The following FHOD1 variants were observed in gnomAD, a reference collection of about 807,000 sequenced individuals.
FHOD1 encodes formin homology 2 domain containing 1.
FHOD1 carries 89 observed loss-of-function variants against 111.6 expected under a neutral mutation model. That is an observed-to-expected ratio of 0.80 (90% CI 0.67 to 0.95). The LOEUF (loss-of-function observed/expected upper bound fraction) is 0.95. Among genes scored for constraint, FHOD1 ranks in the 40% least tolerant of loss-of-function variants. FHOD1 has a pLI of 0.00. For synonymous variants in FHOD1, 618 were observed against 639.0 expected (o/e 0.97, Z 0.50); for missense variants, 1,446 against 1,554.2 (o/e 0.93, Z 1.17).
Position 67,237,632 on chromosome 16 carries a change from G to C in FHOD1, c.754+25C>G, listed in dbSNP as rs761702242. 1.7e-5 allele frequency: 27 copies of C among 1,612,850 alleles called. No individual in the cohort carries two copies. In the Admixed American group the frequency reaches 1.8e-4, roughly 11 times the overall value. On this transcript the variant is annotated intron_variant, in intron 7 of 21. Coordinates refer to ENST00000258201, the MANE Select transcript of FHOD1 (RefSeq NM_013241.3). The surrounding 1 kb of genome is among the most constrained non-coding windows in gnomAD (Gnocchi z 5.6). ...GTAGGAGAGAGGGCTCTGAGCGGTG[G>C]GGGGAGAAAGGGACAGTCTCTGACC...
chr16:67,230,868 CAG>C, intron 17 of FHOD1, 77 bp from the exon 18 acceptor site: 1 of 1,455,882 alleles, frequency 6.9e-7, no homozygotes, highest in Non-Finnish European at 9.2e-7. Flanking sequence ...GCTTCTGGGC[CAG>C]AGTGGCCAGC....
Position 67,236,690 on chromosome 16 carries a change from C to A in FHOD1, c.1186G>T (p.Gly396Cys). ...GCGGGGCCTGTCAGCAGGGCGGGGC[C>A]GGTGGAAGAGGTGGGGCCTACCGGT... Reference protein sequence around the residue: ...ASPVGPTSSTGPALLTGPASS... With the variant: ...ASPVGPTSSTCPALLTGPASS... The change falls in exon 11 of 22, where the codon GGC becomes TGC. Residue 396 changes from glycine to cysteine, a missense_variant. Gly to Cys is a radical substitution (Grantham distance 159). Around this residue, in one of 3 missense-constraint regions of FHOD1, gnomAD observed 1,085 missense variants for 1,108.8 expected, o/e 0.98. Transcript: ENST00000258201. 6.3e-7 allele frequency: 1 copy of A among 1,585,340 alleles called. No homozygotes were observed. The highest frequency in any genetic ancestry group is 8.6e-7 in the Non-Finnish European group (1 of 1,166,610).
Position 67,229,841 on chromosome 16 carries a change from C to T in FHOD1, c.3364G>A (p.Ala1122Thr). Residue 1122 changes from alanine to threonine, a missense_variant, in exon 21 of 22, where the codon GCC (alanine) becomes ACC (threonine). By Grantham distance (58) the Ala-to-Thr change is moderately conservative. This residue lies in a region of FHOD1 where 1,085 missense variants were observed against 1,108.8 expected (regional missense o/e 0.98). Transcript: ENST00000258201. ...VQSVTKSSPR[A>T]LAARERKRSR... is the part of the protein sequence containing the mutation. The stretch of plus-strand genomic sequence containing the variant: ...CGCTTGCGTTCCCTAGCAGCTAAGG[C>T]ACGAGGACTGCTCTTGGTCACTGAC... 2 of 1,614,232 alleles carry T rather than the reference C, an allele frequency of 1.2e-6. No homozygotes were observed. The highest frequency in any genetic ancestry group is 1.7e-6 in the Non-Finnish European group (2 of 1,180,034).
rs2034494599 is a variant in FHOD1 at position 67,236,750 on chromosome 16, T to C, written c.1143-17A>G. The C allele has an allele frequency of 2.2e-6, 3 of 1,387,808 alleles. No individual in the cohort carries two copies. The highest frequency in any genetic ancestry group is 1.9e-6 in the Non-Finnish European group (2 of 1,062,060). The allele number at this position is 1,387,808 out of a possible 1,614,324, so 86.0% of individuals were successfully genotyped here. A position where few individuals can be genotyped will look rare whatever the true frequency, so the allele number is the denominator to read the frequency against. ...CCTGTGGGGCTGAAAGCAGGGGCTG[T>C]CAGTGGGGCGGGGCCTGAGAAGCTG... is the stretch of plus-strand genomic sequence containing the variant. On this transcript the variant is annotated splice_polypyrimidine_tract_variant and intron_variant, in intron 10 of 21. Coordinates refer to ENST00000258201, the MANE Select transcript of FHOD1 (RefSeq NM_013241.3).
In FHOD1 at chr16:67,247,276, C is replaced by G; in HGVS notation, c.135G>C (p.Leu45=). The G allele has an allele frequency of 5.6e-6, 9 of 1,612,486 alleles. No homozygotes were observed. The highest frequency in any genetic ancestry group is 7.6e-6 in the Non-Finnish European group (9 of 1,179,536). The part of the protein sequence containing the change: ...PEPRRAPTCS[L]DGALPLGAQI... The stretch of plus-strand genomic sequence containing the variant: ...GCGCGCCCAAGGGCAGCGCCCCGTC[C>G]AGGCTGCAGGTGGGGGCCCGGCGCG... The change falls in exon 1 of 22, where the codon CTG becomes CTC. Residue 45 remains leucine, a synonymous_variant. Transcript: ENST00000258201.
intron 1 of FHOD1, among the ~76,000 whole-genome samples, chr16:67,241,332 T>C (rs999492622): frequency 6.6e-6 from 1 of 151,986 alleles, no homozygotes; most frequent in East Asian, 1.9e-4. Flanking sequence ...GGGTATCTTG[T>C]CCAGGGCCAG....
At position 67,238,088 on chromosome 16, in the gene FHOD1, C is replaced by G. The variant is rs746571461; in HGVS notation, c.588G>C (p.Gly196=). 133 of 1,614,210 alleles carry G rather than the reference C, an allele frequency of 8.2e-5. No individual in the cohort carries two copies. Among genetic ancestry groups the G allele is most frequent in the Non-Finnish European group, 1.1e-4 (125 of 1,180,032 alleles). The change falls in exon 6 of 22, where the codon GGG becomes GGC. Residue 196 remains glycine (G), a synonymous_variant. Coordinates refer to ENST00000258201, the MANE Select transcript of FHOD1 (RefSeq NM_013241.3). This position sits in a 1 kb window ranked among gnomAD's most constrained non-coding sequence, Gnocchi z 4.2. ...GAATAGTGTCACTGTGGGCCACCACCCCCAGCATTCCATCCACAAAGAGCA... is the reference window on the plus strand; with the variant it reads ...GAATAGTGTCACTGTGGGCCACCACGCCCAGCATTCCATCCACAAAGAGCA... ...QLMLFVDGML[G]VVAHSDTIQW... is the part of the protein sequence containing the mutation.
Position 67,238,891 on chromosome 16 carries a change from TCA to T in FHOD1, c.373+10_373+11del. ...GAGGTGCTGCTGGACATGGATGCTCTCACACACTCACCCAAGATAGCGTTGAC... is the reference window on the plus strand; with the variant it reads ...GAGGTGCTGCTGGACATGGATGCTCTCACACTCACCCAAGATAGCGTTGAC... On this transcript the variant is annotated intron_variant, in intron 3 of 21. Coordinates refer to ENST00000258201, the MANE Select transcript of FHOD1 (RefSeq NM_013241.3). The surrounding 1 kb of genome is among the most constrained non-coding windows in gnomAD (Gnocchi z 4.2). 3 of 1,614,078 alleles carry T rather than the reference TCA, an allele frequency of 1.9e-6. No homozygotes were observed. The highest frequency in any genetic ancestry group is 2.5e-6 in the Non-Finnish European group (3 of 1,179,924).
intron 1 of FHOD1, among the ~76,000 whole-genome samples, chr16:67,243,489 C>T (rs1254630157): frequency 6.6e-6 from 1 of 152,090 alleles, no homozygotes; most frequent in Non-Finnish European, 1.5e-5. Flanking sequence ...GCTGAGATTA[C>T]AGGCATGAGC....
intron 1 of FHOD1, among the ~76,000 whole-genome samples, chr16:67,245,042 C>A (rs1489934001): frequency 6.6e-6 from 1 of 152,208 alleles, no homozygotes; most frequent in Admixed American, 6.5e-5. Flanking sequence ...CCCTCTTCCT[C>A]CAGCCTTCTA....
intron 11 of FHOD1, 38 bp downstream of exon 11, chr16:67,236,519 A>G (rs779893927): frequency 5.6e-6 from 9 of 1,600,574 alleles, no homozygotes; most frequent in Non-Finnish European, 7.7e-6. Flanking sequence ...GGACAATGGG[A>G]GAGAGGACTC....
At chr16:67,230,923 G>T (rs187593731) in intron 17 of FHOD1, 132 bp from the exon 18 acceptor site, 2 of 1,019,190 alleles carry the variant, frequency 2.0e-6, no homozygotes, top group Admixed American at 2.6e-5. Context: ...ATAGACTAGT[G>T]CAAGAGACAC....
rs745904027 is a variant in FHOD1, at chr16:67,234,299, GC to G, written c.1436-33del. On this transcript the variant is annotated intron_variant, in intron 12 of 21. Transcript: ENST00000258201. ...AAAGGGAAGGAGCTGTCAGTGCCATGCCCCCTGTGGGGCAACAAAGCAACAG... is the reference window on the plus strand; with the variant it reads ...AAAGGGAAGGAGCTGTCAGTGCCATGCCCCTGTGGGGCAACAAAGCAACAG... 3.1e-6 allele frequency: 5 copies of G among 1,594,922 alleles called. No individual in the cohort carries two copies. In the South Asian group the frequency reaches 5.5e-5, roughly 18 times the overall value.
chr16:67,242,113 C>T (rs1335402829), intron 1 of FHOD1, among the ~76,000 whole-genome samples: 1 of 152,110 alleles, frequency 6.6e-6, no homozygotes, highest in Non-Finnish European at 1.5e-5. Flanking sequence ...AGGTTACAGG[C>T]GTGCATCACC....
intron 1 of FHOD1, among the ~76,000 whole-genome samples, chr16:67,245,745 A>T (rs2034795281): frequency 6.9e-6 from 1 of 144,978 alleles, no homozygotes; most frequent in African/African-American, 2.5e-5. Context: ...AATCCGTCTT[A>T]AAAAAAAAAA....
At chr16:67,247,014 C>T (rs1394974626) in intron 1 of FHOD1, 196 bp downstream of exon 1, 1 of 610,332 alleles carries the variant, frequency 1.6e-6, no homozygotes, top group Non-Finnish European at 2.7e-6. Flanking sequence ...GTTCCTGGCA[C>T]CCCTCTTCAG....
intron 13 of FHOD1, among the ~76,000 whole-genome samples, chr16:67,232,873 C>T (rs1413581804): frequency 6.6e-6 from 1 of 151,614 alleles, no homozygotes; most frequent in Non-Finnish European, 1.5e-5. Context: ...TCTTTTGCCT[C>T]AGCCTCCCAA....
At position 67,231,510 on chromosome 16, in the gene FHOD1, C is replaced by G. The variant is rs779379018; in HGVS notation, c.2425G>C (p.Glu809Gln). The G allele has an allele frequency of 4.3e-6, 7 of 1,614,028 alleles. No homozygotes were observed. In the Admixed American group the frequency reaches 1.0e-4, roughly 23 times the overall value. ...EPLFDLKVGM[E>Q]QLVQNATFRC... ...AAGGTGGCATTCTGTACCAGCTGTTCCATACCCACTTTCAGGTCAAACAGT... is the reference window on the plus strand; with the variant it reads ...AAGGTGGCATTCTGTACCAGCTGTTGCATACCCACTTTCAGGTCAAACAGT... Residue 809 changes from glutamate to glutamine, a missense_variant, in exon 16 of 22, where the codon GAA becomes CAA. Coordinates refer to ENST00000258201, the MANE Select transcript of FHOD1 (RefSeq NM_013241.3). This position sits in a 1 kb window ranked among gnomAD's most constrained non-coding sequence, Gnocchi z 4.3.
intron 11 of FHOD1, 26 bp from the exon 12 acceptor site, chr16:67,234,498 A>G (rs370478245): frequency 2.6e-6 from 4 of 1,546,120 alleles, no homozygotes; most frequent in African/African-American, 2.7e-5. Flanking sequence ...TGTCACTGAC[A>G]GCGTCTGACA....
Sources: allele counts gnomAD v4.1 joint callset (sites outside exome capture counted in the v4.1 genomes callset), GRCh38; gene constraint gnomAD v4.1.1; regional missense constraint gnomAD v4.1.1; non-coding constraint Gnocchi (gnomAD v3.1); transcripts MANE v1.5; gene names NCBI Gene and HGNC (gene_info 2026-07-23, HGNC 2026-07-21).